The following DSCAM variants were observed in gnomAD, a reference collection of about 807,000 sequenced individuals.
The protein encoded by DSCAM is cell adhesion molecule DSCAM.
DSCAM carries 47 observed loss-of-function variants against 217.7 expected under a neutral mutation model. The observed-to-expected ratio is 0.22, with a 90% CI of 0.17 to 0.28. The LOEUF is 0.28. Among genes scored for constraint, DSCAM ranks in the 10% least tolerant of loss-of-function variants. The probability of loss-of-function intolerance (pLI) is 1.00; values close to 1 mark genes in which losing one functional copy is unlikely to be tolerated. For synonymous variants in DSCAM, 1,056 were observed against 1,015.3 expected (o/e 1.04, Z -0.76); for missense variants, 2,080 against 2,618.3 (o/e 0.79, Z 4.49).
rs542428262 is a variant in DSCAM, at chr21:40,365,778, G to A, written c.655+3321C>T. Among the ~76,000 whole-genome samples, 12 of 152,156 alleles carry A rather than the reference G, an allele frequency of 7.9e-5. No individual in the cohort carries two copies. In the South Asian group the frequency reaches 2.5e-3, roughly 32 times the overall value. ...TTTCCTCTGGAATTTGGTCCTGTAAGTTTTCACTCTAGCTCCTAACAGCCA... is the reference window on the plus strand; with the variant it reads ...TTTCCTCTGGAATTTGGTCCTGTAAATTTTCACTCTAGCTCCTAACAGCCA... On this transcript the variant is annotated intron_variant, in intron 4 of 32. Transcript: ENST00000400454.
chr21:40,378,776 G>T (rs1041727098), intron 3 of DSCAM, among the ~76,000 whole-genome samples: 1 of 151,328 alleles, frequency 6.6e-6, no homozygotes, highest in Middle Eastern at 3.4e-3. Flanking sequence ...TGTATTTTTA[G>T]TAGAGACGGG....
intron 32 of DSCAM, among the ~76,000 whole-genome samples, chr21:40,017,748 CTCCATGTTGGT>C (rs1433704222): frequency 6.6e-6 from 1 of 152,178 alleles, no homozygotes; most frequent in Non-Finnish European, 1.5e-5. Flanking sequence ...GACAGGGTTT[CTCCATGTTGGT>C]CAGGCTGGTC....
At chr21:40,039,045 A>C (rs1207602056) in intron 32 of DSCAM, among the ~76,000 whole-genome samples, 2 of 150,742 alleles carry the variant, frequency 1.3e-5, no homozygotes, top group Non-Finnish European at 3.0e-5. Flanking sequence ...GAGGGATAGC[A>C]CTGGGAGATA....
At chr21:40,339,905 A>T (rs1009201076) in intron 6 of DSCAM, among the ~76,000 whole-genome samples, 3 of 152,212 alleles carry the variant, frequency 2.0e-5, no homozygotes, top group African/African-American at 7.2e-5. Flanking sequence ...CTCACTAGGG[A>T]ATTCTTTACA....
intron 1 of DSCAM, among the ~76,000 whole-genome samples, chr21:40,845,314 G>A (rs773558140): frequency 2.0e-5 from 3 of 151,958 alleles, no homozygotes; most frequent in Non-Finnish European, 4.4e-5. Flanking sequence ...CTTAGTCACC[G>A]TTTTTTTAAA....
intron 3 of DSCAM, among the ~76,000 whole-genome samples, chr21:40,635,392 T>C (rs1339377224): frequency 1.3e-5 from 2 of 152,292 alleles, no homozygotes; most frequent in Middle Eastern, 3.4e-3. Context: ...CAGTAAATGA[T>C]GCAGCTGCAA....
chr21:40,315,925 G>A (rs2074191712), intron 8 of DSCAM, among the ~76,000 whole-genome samples: 1 of 152,142 alleles, frequency 6.6e-6, no homozygotes, highest in Non-Finnish European at 1.5e-5. Context: ...GAAACTAAAA[G>A]TAAATTATAA....
intron 3 of DSCAM, among the ~76,000 whole-genome samples, chr21:40,652,161 G>C (rs950385609): frequency 1.7e-5 from 2 of 116,858 alleles, no homozygotes; most frequent in African/African-American, 7.5e-5. Flanking sequence ...TGAAGGGTGG[G>C]GGTGGAGGGA....
At chr21:40,075,257 G>T (rs1217682150) in intron 26 of DSCAM, 44 bp from the exon 27 acceptor site, 1 of 1,600,602 alleles carries the variant, frequency 6.2e-7, no homozygotes, top group Non-Finnish European at 8.5e-7. Context: ...AATGAAGACG[G>T]CATGGCGGAG....
At chr21:40,650,500 T>C (rs947974949) in intron 3 of DSCAM, among the ~76,000 whole-genome samples, 1 of 152,256 alleles carries the variant, frequency 6.6e-6, no homozygotes, top group Non-Finnish European at 1.5e-5. Context: ...AAGAAGATTG[T>C]CTTCAGCCAC....
intron 3 of DSCAM, among the ~76,000 whole-genome samples, chr21:40,654,720 C>T (rs1380067548): frequency 6.6e-6 from 1 of 152,196 alleles, no homozygotes; most frequent in African/African-American, 2.4e-5. Flanking sequence ...TCTCATCATG[C>T]TGAACTTGAC....
intron 1 of DSCAM, among the ~76,000 whole-genome samples, chr21:40,748,419 G>A (rs2146556423): frequency 6.6e-6 from 1 of 152,018 alleles, no homozygotes; most frequent in Non-Finnish European, 1.5e-5. Flanking sequence ...AAAATCAGTA[G>A]TGTTTGCTAT....
At chr21:40,604,287 C>T (rs1057477512) in intron 3 of DSCAM, among the ~76,000 whole-genome samples, 1 of 152,090 alleles carries the variant, frequency 6.6e-6, no homozygotes, top group Admixed American at 6.6e-5. Flanking sequence ...CCTTTAAATT[C>T]TTCCTTAGAG....
chr21:40,180,871 C>G (rs2090791884), intron 14 of DSCAM, among the ~76,000 whole-genome samples: 1 of 152,010 alleles, frequency 6.6e-6, no homozygotes, highest in African/African-American at 2.4e-5. Flanking sequence ...AGGGTGGGGA[C>G]AGTCCCCTCT....
chr21:40,706,081 T>G lies in DSCAM; in HGVS notation c.361+2373A>C, dbSNP rs1191020076. On this transcript the variant is annotated intron_variant, in intron 2 of 32. Transcript: ENST00000400454. ...CTGTAGTCCCAGCTACTCTGGAGGC[T>G]GGGCAGGAAAACGGCGTGAACCCGG... is the stretch of plus-strand genomic sequence containing the variant. 4.7e-5 allele frequency among the ~76,000 whole-genome samples: 7 copies of G among 148,482 alleles called. No homozygotes were observed. The South Asian group carries it at 1.5e-3, about 31-fold the overall frequency.
At chr21:40,494,117 A>G (rs2076098620) in intron 3 of DSCAM, among the ~76,000 whole-genome samples, 1 of 152,108 alleles carries the variant, frequency 6.6e-6, no homozygotes, top group African/African-American at 2.4e-5. Flanking sequence ...GGAAGACAGC[A>G]AGAGAGGAAG....
intron 3 of DSCAM, among the ~76,000 whole-genome samples, chr21:40,583,429 C>T (rs1050278187): frequency 1.3e-5 from 2 of 152,132 alleles, no homozygotes; most frequent in Admixed American, 1.3e-4. Flanking sequence ...ATATGCTTCT[C>T]GGCCTGGTAC....
intron 3 of DSCAM, among the ~76,000 whole-genome samples, chr21:40,509,499 C>T (rs2076241544): frequency 6.6e-6 from 1 of 152,188 alleles, no homozygotes; most frequent in South Asian, 2.1e-4. Flanking sequence ...TCCTCTCACT[C>T]AGAGCCTGGG....
rs151253101 is a variant in DSCAM, at chr21:40,097,771, C to G, written c.3697-3897G>C. On this transcript the variant is annotated intron_variant, in intron 20 of 32. Transcript: ENST00000400454. The stretch of plus-strand genomic sequence containing the variant: ...CCTAGCCAACGTGGTGAAACCCTGT[C>G]TCTACTAAAAACACAAAAAATTAGC... Among the ~76,000 whole-genome samples the G allele has an allele frequency of 2.6e-3, 390 of 151,576 alleles. 1 individual carries two copies. The highest frequency in any genetic ancestry group is 9.3e-3 in the African/African-American group (383 of 41,358).
Sources: gnomAD v4.1 joint callset for allele counts (sites outside exome capture counted in the v4.1 genomes callset) on GRCh38, gnomAD v4.1.1 for gene constraint, MANE v1.5 for transcripts, NCBI Gene and HGNC (gene_info 2026-07-23, HGNC 2026-07-21) for gene names.